PLEKHM1: variants seen among roughly 807,000 people sequenced by gnomAD.
PLEKHM1 encodes the protein pleckstrin homology and RUN domain containing M1.
PLEKHM1 carries 28 observed loss-of-function variants against 94.3 expected under a neutral mutation model. The observed-to-expected ratio is 0.30, with a 90% CI of 0.22 to 0.41. The LOEUF (loss-of-function observed/expected upper bound fraction) is 0.41, where lower values mean the gene tolerates loss of function less well. PLEKHM1 is among the 10% of genes least tolerant of loss of function. The pLI is 1.00. For missense variants in PLEKHM1, 907 were observed against 1,358.6 expected, an observed-to-expected ratio of 0.67 and a Z score of 5.22; for synonymous variants, 424 against 581.2, an observed-to-expected ratio of 0.73 and a Z score of 3.89.
chr17:45,488,984 C>G (rs1487808394), intron 1 of PLEKHM1, among the ~76,000 whole-genome samples: 2 of 152,066 alleles, frequency 1.3e-5, no homozygotes, highest in African/African-American at 4.8e-5. Context: ...AATGGCCCAC[C>G]CATCTGATGC....
Position 45,445,324 on chromosome 17 carries a change from T to C in PLEKHM1, c.2837+146A>G. On this transcript the variant is annotated intron_variant, in intron 9 of 11. Transcript: ENST00000430334. The surrounding 1 kb of genome is among the most constrained non-coding windows in gnomAD (Gnocchi z 4.2). The stretch of plus-strand genomic sequence containing the variant: ...ACATGTGCATGGGTGTGGATGTCTA[T>C]GCATTTGTGTATAAATTTATGTGTG... 1 of 716,718 alleles carries C rather than the reference T, an allele frequency of 1.4e-6. No individual in the cohort carries two copies. Among genetic ancestry groups the C allele is most frequent in the Non-Finnish European group, 2.4e-6 (1 of 412,016 alleles). The allele number at this position is 716,718 out of a possible 1,614,324, so 44.4% of individuals were successfully genotyped here.
intron 5 of PLEKHM1, among the ~76,000 whole-genome samples, chr17:45,465,400 A>T (rs1372683710): frequency 6.6e-6 from 1 of 152,028 alleles, no homozygotes; most frequent in Non-Finnish European, 1.5e-5. Flanking sequence ...GGAAAGAAGG[A>T]ACAGCAAATG....
At chr17:45,458,660 G>A (rs1395290601) in intron 5 of PLEKHM1, among the ~76,000 whole-genome samples, 4 of 151,932 alleles carry the variant, frequency 2.6e-5, no homozygotes, top group Non-Finnish European at 2.9e-5. Context: ...TAGTAGAGGC[G>A]GGGTTTCACC....
Position 45,468,596 on chromosome 17 carries a change from A to T in PLEKHM1, c.924-3T>A. ...CTTTGCTGAATTCCAACAATACCCT[A>T]GAAGTTTTAAACAAAGAAACCTGTG... On this transcript the variant is annotated splice_region_variant and splice_polypyrimidine_tract_variant and intron_variant, in intron 4 of 11. Coordinates refer to ENST00000430334, the MANE Select transcript of PLEKHM1 (RefSeq NM_014798.3). 6.2e-7 allele frequency: 1 copy of T among 1,614,236 alleles called. No individual in the cohort carries two copies. Among genetic ancestry groups the T allele is most frequent in the Non-Finnish European group, 8.5e-7 (1 of 1,180,030 alleles).
intron 9 of PLEKHM1, among the ~76,000 whole-genome samples, chr17:45,440,556 G>A (rs2050418957): frequency 6.6e-6 from 1 of 152,258 alleles, no homozygotes; most frequent in African/African-American, 2.4e-5. Flanking sequence ...ATCATGAGAA[G>A]GAGGATGGGT....
intron 8 of PLEKHM1, among the ~76,000 whole-genome samples, chr17:45,446,568 C>T (rs1191033366): frequency 6.6e-6 from 1 of 152,348 alleles, no homozygotes; most frequent in Admixed American, 6.5e-5. Context: ...CCGACAAGTG[C>T]ACAGTGACTA....
chr17:45,462,548 C>A (rs1176759412), intron 5 of PLEKHM1, among the ~76,000 whole-genome samples: 1 of 152,010 alleles, frequency 6.6e-6, no homozygotes. Flanking sequence ...CAGCCTCCAC[C>A]CCTTCCCACC....
At chr17:45,435,185 C>G (rs1480077479), downstream of PLEKHM1, among the ~76,000 whole-genome samples, 2 of 152,122 alleles carry the variant, frequency 1.3e-5, no homozygotes. Context: ...GAAGCTGGGG[C>G]ACCTAGATTG....
At chr17:45,443,032 G>T (rs3845202) in intron 9 of PLEKHM1, among the ~76,000 whole-genome samples, 26,633 of 152,264 alleles carry the variant, frequency 0.17, 3,176 homozygotes, top group Non-Finnish European at 0.26. Context: ...ATGGAGTGAG[G>T]TGCAGAAACA....
chr17:45,461,646 G>C (rs1383184301), intron 5 of PLEKHM1, among the ~76,000 whole-genome samples: 1 of 152,156 alleles, frequency 6.6e-6, no homozygotes, highest in Non-Finnish European at 1.5e-5. Context: ...TCCTGCTTTT[G>C]GGTTTGAGAT....
chr17:45,454,092 G>A lies in PLEKHM1; in HGVS notation c.1760C>T (p.Pro587Leu). 2 of 1,614,200 alleles carry A rather than the reference G, an allele frequency of 1.2e-6. No individual in the cohort carries two copies. The highest frequency in any genetic ancestry group is 1.7e-6 in the Non-Finnish European group (2 of 1,180,042). Residue 587 changes from proline (P) to leucine (L), a missense_variant, in exon 7 of 12, where the codon CCA becomes CTA. Pro to Leu is a moderately conservative substitution (Grantham distance 98). Transcript: ENST00000430334. Reference sequence around the variant, plus strand: ...CTCAAAGCGCCCATCACTATGGGCTGGCCCCACAGACTCACAGCGAAGCAG... The same window carrying A: ...CTCAAAGCGCCCATCACTATGGGCTAGCCCCACAGACTCACAGCGAAGCAG... ...CSLLRCESVG[P>L]AHSDGRFELV...
At chr17:45,439,803 A>G (rs762316260) in intron 10 of PLEKHM1, 169 bp from the exon 11 acceptor site, 2 of 884,702 alleles carry the variant, frequency 2.3e-6, no homozygotes, top group Non-Finnish European at 3.6e-6. Flanking sequence ...AACCTCCCTG[A>G]ATCAGGCTGA....
At chr17:45,451,369 C>T (rs2050769836) in intron 7 of PLEKHM1, among the ~76,000 whole-genome samples, 1 of 152,138 alleles carries the variant, frequency 6.6e-6, no homozygotes, top group African/African-American at 2.4e-5. Flanking sequence ...TCTCCACAGC[C>T]GGAGCCAGTG....
Position 45,478,040 on chromosome 17 carries a change from G to A in PLEKHM1, c.156C>T (p.Ser52=), listed in dbSNP as rs748951675. 10 of 1,614,078 alleles carry A rather than the reference G, an allele frequency of 6.2e-6. No individual in the cohort carries two copies. The highest frequency in any genetic ancestry group is 2.7e-5 in the African/African-American group (2 of 74,928). ...SEDGDANTMC[S]ALEAVFIHGL... ...CATGGATAAATACGGCCTCCAGGGC[G>A]CTGCACATGGTGTTGGCATCTCCGT... The change falls in exon 3 of 12, where the codon AGC becomes AGT. Residue 52 remains serine (S), a synonymous_variant. Transcript: ENST00000430334.
rs146191037 is a variant in PLEKHM1 at position 45,487,193 on chromosome 17, C to T, written c.-42+3459G>A. ...TCTACTGCCACCCTGTGTATTCATT[C>T]GCCTTCACATAGCTCTCCAGAGTGC... On this transcript the variant is annotated intron_variant, in intron 1 of 11. Coordinates refer to ENST00000430334, the MANE Select transcript of PLEKHM1 (RefSeq NM_014798.3). Among the ~76,000 whole-genome samples the T allele has an allele frequency of 3.9e-3, 588 of 152,300 alleles. 3 individuals are homozygous for T. The highest frequency in any genetic ancestry group is 0.013 in the African/African-American group (556 of 41,562).
At position 45,436,867 on chromosome 17, in the gene PLEKHM1, C is replaced by T. The variant is rs2050273613; in HGVS notation, c.*991G>A. The T allele has an allele frequency of 2.2e-6, 1 of 453,260 alleles. No individual in the cohort carries two copies. Among genetic ancestry groups the T allele is most frequent in the Non-Finnish European group, 4.4e-6 (1 of 225,988 alleles). The allele number at this position is 453,260 out of a possible 1,614,324, so 28.1% of individuals were successfully genotyped here. On this transcript the variant is annotated 3_prime_UTR_variant, in exon 12 of 12. Transcript: ENST00000430334. ...TTCTCCACAGTGCAGGGCGTGGCTG[C>T]CTGCCCTCTCTGGGGTCCTGCCTAT...
rs553654176 is a variant in PLEKHM1, at chr17:45,454,281, A to G, written c.1580-9T>C. On this transcript the variant is annotated splice_polypyrimidine_tract_variant and intron_variant, in intron 6 of 11. Coordinates refer to ENST00000430334, the MANE Select transcript of PLEKHM1 (RefSeq NM_014798.3). Reference sequence around the variant, plus strand: ...GAATGGGTTGGACAGTCCTGGAGGCAGAGGCAAAAAGGGGCACATTAGTTG... The same window carrying G: ...GAATGGGTTGGACAGTCCTGGAGGCGGAGGCAAAAAGGGGCACATTAGTTG... 7.6e-5 allele frequency: 121 copies of G among 1,591,658 alleles called. 1 individual carries two copies. The East Asian group carries it at 2.5e-3, about 33-fold the overall frequency.
intron 5 of PLEKHM1, among the ~76,000 whole-genome samples, chr17:45,461,961 C>T (rs2051164102): frequency 6.6e-6 from 1 of 152,190 alleles, no homozygotes; most frequent in Non-Finnish European, 1.5e-5. Flanking sequence ...CTCTAAGTGG[C>T]TGTGTACACA....
chr17:45,469,400 C>T (rs930241611), intron 4 of PLEKHM1, among the ~76,000 whole-genome samples: 2 of 152,178 alleles, frequency 1.3e-5, no homozygotes, highest in African/African-American at 4.8e-5. Context: ...TGCCCTGGGC[C>T]CTCTGGAATG....
Sources: allele counts gnomAD v4.1 joint callset (sites outside exome capture counted in the v4.1 genomes callset), GRCh38; gene constraint gnomAD v4.1.1; non-coding constraint Gnocchi (gnomAD v3.1); transcripts MANE v1.5; gene names NCBI Gene and HGNC (gene_info 2026-07-23, HGNC 2026-07-21).